ME2: variants seen among roughly 807,000 people sequenced by gnomAD.
ME2 encodes malic enzyme 2.
In ME2, 60 loss-of-function variants were observed where a neutral mutation model predicts 73.7. The observed-to-expected ratio is 0.81, with a 90% CI of 0.66 to 1.01. ME2 has a LOEUF of 1.01. Ranked by LOEUF, ME2 falls within the 50% of genes least tolerant of loss-of-function variation. The pLI, the probability that ME2 is intolerant of heterozygous loss-of-function variation, is 0.00. For synonymous variants in ME2, 199 were observed against 236.9 expected, an observed-to-expected ratio of 0.84 and a Z score of 1.47; for missense variants, 594 against 705.5, an observed-to-expected ratio of 0.84 and a Z score of 1.79.
At chr18:50,944,054 CA>C (rs933442978) in intron 15 of ME2, among the ~76,000 whole-genome samples, 8 of 148,346 alleles carry the variant, frequency 5.4e-5, no homozygotes, top group Non-Finnish European at 6.0e-5. Context: ...TCATCTCTAC[CA>C]AAAAAAAAAT....
rs1216500551 is a variant in ME2 at position 50,879,143 on chromosome 18, C to T, written c.-178C>T. ...CTCTCGGCCGCTCTTCGGGCCGCCT[C>T]TGCGTGTGGGGCCGCCCGCGCCAGT... On this transcript the variant is annotated 5_prime_UTR_variant, in exon 1 of 16. Coordinates refer to ENST00000321341, the MANE Select transcript of ME2 (RefSeq NM_002396.5). The T allele has an allele frequency of 6.6e-6, 1 of 152,236 alleles. No individual in the cohort carries two copies. Among genetic ancestry groups the T allele is most frequent in the Non-Finnish European group, 1.5e-5 (1 of 68,080 alleles). The allele number at this position is 152,236 out of a possible 1,614,324, so 9.4% of individuals were successfully genotyped here. A position where few individuals can be genotyped will look rare whatever the true frequency, so the allele number is the denominator to read the frequency against.
intron 12 of ME2, 93 bp from the exon 13 acceptor site, chr18:50,932,165 A>C (rs916448566): frequency 9.9e-7 from 1 of 1,010,648 alleles, no homozygotes; most frequent in African/African-American, 1.6e-5. Context: ...ATATTGGTCT[A>C]TTTTACTTCA....
At chr18:50,941,929 A>T (rs138714049) in intron 15 of ME2, among the ~76,000 whole-genome samples, 3 of 151,758 alleles carry the variant, frequency 2.0e-5, no homozygotes, top group African/African-American at 7.2e-5. Context: ...TTGAAGAATT[A>T]ATATATATAT....
chr18:50,901,131 CAATT>C (rs750142479), intron 2 of ME2, among the ~76,000 whole-genome samples: 35 of 152,188 alleles, frequency 2.3e-4, no homozygotes, highest in Non-Finnish European at 4.7e-4. Context: ...AATTTCATCT[CAATT>C]AACACATTTT....
chr18:50,886,619 A>T (rs1168103865), intron 1 of ME2, among the ~76,000 whole-genome samples: 2 of 152,186 alleles, frequency 1.3e-5, no homozygotes, highest in African/African-American at 4.8e-5. Flanking sequence ...TTAGGACTTT[A>T]TAACTTACTG....
rs920169141 is a variant in ME2 at position 50,952,795 on chromosome 18, T to C, written c.*5611T>C. On this transcript the variant is annotated 3_prime_UTR_variant, in exon 16 of 16. Coordinates refer to ENST00000321341, the MANE Select transcript of ME2 (RefSeq NM_002396.5). ...ATTGGATTATCACCAACACATTTGG[T>C]ATATACAGTGGGCCGATAATGACAA... 1.3e-5 allele frequency: 2 copies of C among 152,216 alleles called. No individual in the cohort carries two copies. Among genetic ancestry groups the C allele is most frequent in the Non-Finnish European group, 2.9e-5 (2 of 68,030 alleles). 9.4% of individuals were successfully genotyped at this position (152,216 alleles called of 1,614,324 possible).
chr18:50,928,191 A>G (rs544130229), intron 12 of ME2, among the ~76,000 whole-genome samples: 2 of 151,208 alleles, frequency 1.3e-5, no homozygotes, highest in South Asian at 2.1e-4. Flanking sequence ...TTTATTATCT[A>G]TCTTTTGTTC....
chr18:50,932,071 A>G (rs1474029598), intron 12 of ME2, among the ~76,000 whole-genome samples, 187 bp from the exon 13 acceptor site: 1 of 152,214 alleles, frequency 6.6e-6, no homozygotes, highest in Non-Finnish European at 1.5e-5. Context: ...AATGTATACT[A>G]CACATGAAAC....
chr18:50,943,850 G>A (rs1918021075), intron 15 of ME2, among the ~76,000 whole-genome samples: 1 of 152,174 alleles, frequency 6.6e-6, no homozygotes, highest in Admixed American at 6.5e-5. Flanking sequence ...GAACTAGGAT[G>A]ATAGAGTCCA....
intron 2 of ME2, among the ~76,000 whole-genome samples, chr18:50,901,714 C>G (rs1428602122): frequency 1.3e-5 from 2 of 152,176 alleles, no homozygotes; most frequent in Admixed American, 6.5e-5. Flanking sequence ...AAACTATGTA[C>G]ATAGCCTCCG....
chr18:50,923,320 C>G (rs1917471671), intron 10 of ME2, among the ~76,000 whole-genome samples: 1 of 152,136 alleles, frequency 6.6e-6, no homozygotes, highest in African/African-American at 2.4e-5. Flanking sequence ...AAACCTGACT[C>G]AAACTAATAA....
intron 1 of ME2, among the ~76,000 whole-genome samples, chr18:50,892,891 C>T (rs867744822): frequency 1.3e-5 from 2 of 151,850 alleles, no homozygotes; most frequent in African/African-American, 2.4e-5. Context: ...TTTGGGAGGC[C>T]GAGGTGGGCG....
At position 50,950,503 on chromosome 18, in the gene ME2, G is replaced by T. The variant is rs868390143; in HGVS notation, c.*3319G>T. 5.9e-4 allele frequency: 23 copies of T among 38,778 alleles called. No homozygotes were observed. The South Asian group carries it at 0.014, about 24-fold the overall frequency. The allele number at this position is 38,778 out of a possible 1,614,324, so 2.4% of individuals were successfully genotyped here. ...TTTTTTTTTTTTTTTTTTAAACAGGGTCTCTTTCTTTTTCCTTTCTCACTC... is the reference window on the plus strand; with the variant it reads ...TTTTTTTTTTTTTTTTTTAAACAGGTTCTCTTTCTTTTTCCTTTCTCACTC... On this transcript the variant is annotated 3_prime_UTR_variant, in exon 16 of 16. Coordinates refer to ENST00000321341, the MANE Select transcript of ME2 (RefSeq NM_002396.5).
intron 10 of ME2, among the ~76,000 whole-genome samples, chr18:50,923,442 T>C (rs1458359580): frequency 6.6e-6 from 1 of 152,178 alleles, no homozygotes. Flanking sequence ...ATACGCCATA[T>C]TGTATTTCTA....
chr18:50,925,483 A>C (rs1917530093), intron 11 of ME2, among the ~76,000 whole-genome samples: 1 of 152,216 alleles, frequency 6.6e-6, no homozygotes, highest in Non-Finnish European at 1.5e-5. Context: ...TGTCTCAAAA[A>C]ACAAAAAGTT....
chr18:50,941,305 G>A (rs1432365732), intron 15 of ME2, among the ~76,000 whole-genome samples: 2 of 141,982 alleles, frequency 1.4e-5, no homozygotes, highest in Non-Finnish European at 1.5e-5. Context: ...ACAGCGTAAT[G>A]AACATCTGTC....
At chr18:50,943,703 C>T (rs963240444) in intron 15 of ME2, among the ~76,000 whole-genome samples, 11 of 152,052 alleles carry the variant, frequency 7.2e-5, no homozygotes, top group African/African-American at 2.7e-4. Flanking sequence ...AATAGTTGAG[C>T]CTGGGGGAAC....
chr18:50,926,200 T>G (rs756971247), intron 12 of ME2, among the ~76,000 whole-genome samples: 1 of 152,236 alleles, frequency 6.6e-6, no homozygotes, highest in Non-Finnish European at 1.5e-5. Context: ...ACCTACACTT[T>G]AATTTATTTA....
intron 7 of ME2, among the ~76,000 whole-genome samples, chr18:50,920,179 G>A (rs1816383017): frequency 6.6e-6 from 1 of 152,120 alleles, no homozygotes; most frequent in South Asian, 2.1e-4. Flanking sequence ...CAGAGTCAAA[G>A]GAAGTGTCCT....
Sources: gnomAD v4.1 joint callset for allele counts (sites outside exome capture counted in the v4.1 genomes callset) on GRCh38, gnomAD v4.1.1 for gene constraint, MANE v1.5 for transcripts, NCBI Gene and HGNC (gene_info 2026-07-23, HGNC 2026-07-21) for gene names.